UBE2E2: variants seen among roughly 807,000 people sequenced by gnomAD.
UBE2E2 encodes the protein ubiquitin-conjugating enzyme E2 E2.
In UBE2E2, 6 loss-of-function variants were observed where a neutral mutation model predicts 24.7. The observed-to-expected ratio is 0.24, with a 90% confidence interval of 0.13 to 0.48. The LOEUF (loss-of-function observed/expected upper bound fraction) is 0.48. UBE2E2 is among the 20% of genes least tolerant of loss of function. The pLI, the probability that UBE2E2 is intolerant of heterozygous loss-of-function variation, is 0.99. For missense variants in UBE2E2, 169 were observed against 245.0 expected, an observed-to-expected ratio of 0.69 and a Z score of 2.07; for synonymous variants, 104 against 83.6, an observed-to-expected ratio of 1.24 and a Z score of -1.33.
chr3:23,311,689 T>C lies in UBE2E2; in HGVS notation c.227+94377T>C, dbSNP rs554477961. ...CCTTTGGAAAGGAACTTAGATATAG[T>C]TGAAACAATTTGAATTTCTCTAGTT... On this transcript the variant is annotated intron_variant, in intron 3 of 5. Transcript: ENST00000396703. Among the ~76,000 whole-genome samples the C allele has an allele frequency of 2.0e-5, 3 of 152,372 alleles. No individual in the cohort carries two copies. The East Asian group carries it at 5.8e-4, about 29-fold the overall frequency.
intron 3 of UBE2E2, among the ~76,000 whole-genome samples, chr3:23,240,852 C>A (rs1697241616): frequency 6.6e-6 from 1 of 152,044 alleles, no homozygotes; most frequent in South Asian, 2.1e-4. Context: ...AATGATGGAG[C>A]ATTTCATAGA....
At chr3:23,344,463 T>A (rs1238789736) in intron 3 of UBE2E2, among the ~76,000 whole-genome samples, 1 of 152,278 alleles carries the variant, frequency 6.6e-6, no homozygotes, top group East Asian at 1.9e-4. Context: ...CTTTGAATTT[T>A]TTTTTTTCAG....
chr3:23,483,673 G>T (rs769210787), intron 3 of UBE2E2, among the ~76,000 whole-genome samples: 1 of 152,140 alleles, frequency 6.6e-6, no homozygotes, highest in Non-Finnish European at 1.5e-5. Context: ...CAGTAAGTTT[G>T]CCCAGTGCTG....
upstream of UBE2E2, chr3:23,203,260 A>G: frequency 1.0e-6 from 1 of 987,860 alleles, no homozygotes; most frequent in Non-Finnish European, 1.2e-6. Flanking sequence ...GGCGGCGCTG[A>G]GGGTGAGTCC....
intron 3 of UBE2E2, among the ~76,000 whole-genome samples, chr3:23,425,152 G>C (rs1274231138): frequency 1.3e-5 from 2 of 152,056 alleles, no homozygotes; most frequent in African/African-American, 4.8e-5. Context: ...AAATATTTCA[G>C]TATGTATCCT....
chr3:23,505,040 G>T lies in UBE2E2; in HGVS notation c.360+5300G>T, dbSNP rs565981030. Among the ~76,000 whole-genome samples, 816 of 150,482 alleles carry T rather than the reference G, an allele frequency of 5.4e-3. 2 individuals carry two copies. The highest frequency in any genetic ancestry group is 9.4e-3 in the South Asian group (44 of 4,704). ...TTCACGTCAGCCTCCCAAGAGGCTG[G>T]GACTACAGGCACACACCACCACACC... On this transcript the variant is annotated intron_variant, in intron 4 of 5. Coordinates refer to ENST00000396703, the MANE Select transcript of UBE2E2 (RefSeq NM_152653.4).
At chr3:23,251,406 T>G (rs984723129) in intron 3 of UBE2E2, among the ~76,000 whole-genome samples, 4 of 152,248 alleles carry the variant, frequency 2.6e-5, no homozygotes, top group African/African-American at 9.6e-5. Flanking sequence ...GTAGTCTCTT[T>G]GGTGATAGTT....
At chr3:23,541,140 T>C (rs1695387750) in intron 5 of UBE2E2, among the ~76,000 whole-genome samples, 1 of 152,230 alleles carries the variant, frequency 6.6e-6, no homozygotes, top group East Asian at 1.9e-4. Flanking sequence ...ATACTTAAGA[T>C]TGTACAGTAT....
intron 3 of UBE2E2, among the ~76,000 whole-genome samples, chr3:23,352,007 A>G (rs927287181): frequency 4.3e-4 from 66 of 152,328 alleles, no homozygotes; most frequent in African/African-American, 1.1e-3. Context: ...AGCAAATGTA[A>G]AAGAACAGAA....
intron 3 of UBE2E2, among the ~76,000 whole-genome samples, chr3:23,449,535 G>A (rs1309532503): frequency 2.0e-5 from 3 of 152,166 alleles, no homozygotes; most frequent in Non-Finnish European, 2.9e-5. Flanking sequence ...ACCACTGTCT[G>A]TTACTGATAA....
At position 23,554,985 on chromosome 3, in the gene UBE2E2, C is replaced by G. The variant is rs181566319; in HGVS notation, c.508+22284C>G. Among the ~76,000 whole-genome samples, 4 of 151,526 alleles carry G rather than the reference C, an allele frequency of 2.6e-5. No individual in the cohort carries two copies. The South Asian group carries it at 6.3e-4, about 24-fold the overall frequency. ...AGGCTGGAGTACAGTGATGTGATCT[C>G]TGCTCACTGCAGCCTTATCTCCTGG... On this transcript the variant is annotated intron_variant, in intron 5 of 5. Coordinates refer to ENST00000396703, the MANE Select transcript of UBE2E2 (RefSeq NM_152653.4).
intron 3 of UBE2E2, among the ~76,000 whole-genome samples, chr3:23,225,542 C>T (rs956808811): frequency 2.0e-5 from 3 of 151,778 alleles, no homozygotes; most frequent in East Asian, 2.0e-4. Flanking sequence ...CAGCACCATT[C>T]GTTGAAAAGA....
At chr3:23,231,965 G>A (rs558317884) in intron 3 of UBE2E2, among the ~76,000 whole-genome samples, 4 of 152,268 alleles carry the variant, frequency 2.6e-5, no homozygotes, top group Admixed American at 1.3e-4. Flanking sequence ...TCACCTTTAC[G>A]TCAGCCTCCA....
intron 4 of UBE2E2, among the ~76,000 whole-genome samples, chr3:23,517,107 A>G (rs1016421424): frequency 6.6e-6 from 1 of 152,172 alleles, no homozygotes; most frequent in African/African-American, 2.4e-5. Context: ...TTTAAAGGAA[A>G]AAAAGCATAG....
chr3:23,281,625 A>G (rs1382277686), intron 3 of UBE2E2, among the ~76,000 whole-genome samples: 3 of 152,184 alleles, frequency 2.0e-5, no homozygotes, highest in African/African-American at 7.2e-5. Flanking sequence ...GTGACATAGC[A>G]AGATCCTGTC....
At chr3:23,290,458 A>G (rs567258886) in intron 3 of UBE2E2, among the ~76,000 whole-genome samples, 16 of 152,270 alleles carry the variant, frequency 1.1e-4, no homozygotes, top group East Asian at 1.9e-4. Flanking sequence ...GGTGATGCCA[A>G]TGTAGGTTTG....
At chr3:23,324,070 T>C (rs1694820532) in intron 3 of UBE2E2, among the ~76,000 whole-genome samples, 1 of 152,188 alleles carries the variant, frequency 6.6e-6, no homozygotes, top group South Asian at 2.1e-4. Context: ...GTTTCTGGAA[T>C]AACTGTGCAA....
At chr3:23,457,664 C>T (rs893770022) in intron 3 of UBE2E2, among the ~76,000 whole-genome samples, 5 of 152,170 alleles carry the variant, frequency 3.3e-5, no homozygotes, top group African/African-American at 1.2e-4. Context: ...TACAGGCATT[C>T]ACCACCATAT....
intron 3 of UBE2E2, among the ~76,000 whole-genome samples, chr3:23,487,334 C>T (rs998713081): frequency 3.3e-5 from 5 of 152,278 alleles, no homozygotes; most frequent in Middle Eastern, 3.4e-3. Flanking sequence ...CAGGGATATC[C>T]GAGTCAGAAC....
Sources: allele counts gnomAD v4.1 joint callset (sites outside exome capture counted in the v4.1 genomes callset), GRCh38; gene constraint gnomAD v4.1.1; transcripts MANE v1.5; gene names NCBI Gene and HGNC (gene_info 2026-07-23, HGNC 2026-07-21).